Variants in MIPEP observed in about 807,000 individuals in gnomAD.
MIPEP encodes the protein mitochondrial intermediate peptidase.
A neutral mutation model predicts 90.3 loss-of-function variants in MIPEP; 79 were observed. The observed-to-expected ratio is 0.87, with a 90% CI of 0.73 to 1.05. MIPEP has a LOEUF of 1.05. MIPEP is among the 50% of genes least tolerant of loss of function. MIPEP has a pLI of 0.00. For synonymous variants in MIPEP, 334 were observed against 315.8 expected (o/e 1.06, Z -0.61); for missense variants, 940 against 905.6 (o/e 1.04, Z -0.49).
At chr13:23,809,752 T>G in intron 15 of MIPEP, 98 bp downstream of exon 15, 1 of 783,430 alleles carries the variant, frequency 1.3e-6, no homozygotes, top group South Asian at 1.9e-5. Context: ...AGAAGCATAA[T>G]TATTATAATA....
intron 16 of MIPEP, among the ~76,000 whole-genome samples, chr13:23,794,734 C>T (rs909791590): frequency 3.3e-5 from 5 of 152,070 alleles, no homozygotes; most frequent in African/African-American, 1.2e-4. Context: ...GCTCAAAGGA[C>T]CATATTAAAA....
At chr13:23,840,013 C>T (rs1388902381) in intron 11 of MIPEP, among the ~76,000 whole-genome samples, 2 of 152,222 alleles carry the variant, frequency 1.3e-5, no homozygotes, top group Non-Finnish European at 2.9e-5. Context: ...ACTAACCACC[C>T]ACAAGAGCTG....
At chr13:23,760,888 C>T (rs1952535260) in intron 16 of MIPEP, among the ~76,000 whole-genome samples, 4 of 152,130 alleles carry the variant, frequency 2.6e-5, no homozygotes, top group Admixed American at 6.5e-5. Flanking sequence ...TCTACAAAAA[C>T]AGTAAAGTCA....
At chr13:23,844,379 C>T (rs1869441535) in intron 10 of MIPEP, among the ~76,000 whole-genome samples, 1 of 152,144 alleles carries the variant, frequency 6.6e-6, no homozygotes, top group Non-Finnish European at 1.5e-5. Context: ...TCCATCCTAA[C>T]AAGCAGGAAG....
rs1953151210 is a variant in MIPEP at position 23,809,737 on chromosome 13, G to A, written c.1728+113C>T. Reference sequence around the variant, plus strand: ...AGTTCTTTGAACTCAGATGAAAGATGTTTTAGAAGCATAATTATTATAATA... The same window carrying A: ...AGTTCTTTGAACTCAGATGAAAGATATTTTAGAAGCATAATTATTATAATA... On this transcript the variant is annotated intron_variant, in intron 15 of 18. Transcript: ENST00000382172. 1.1e-5 allele frequency: 8 copies of A among 699,158 alleles called. No homozygotes were observed. The South Asian group carries it at 1.7e-4, about 15-fold the overall frequency. The allele number at this position is 699,158 out of a possible 1,614,324, so 43.3% of individuals were successfully genotyped here.
rs12583434 is a variant in MIPEP at position 23,870,537 on chromosome 13, A to G, written c.604-342T>C. 0.025 allele frequency among the ~76,000 whole-genome samples: 3,842 copies of G among 152,178 alleles called. 376 individuals are homozygous for G. The East Asian group carries it at 0.35, about 14-fold the overall frequency. On this transcript the variant is annotated intron_variant, in intron 5 of 18. Coordinates refer to ENST00000382172, the MANE Select transcript of MIPEP (RefSeq NM_005932.4). ...TGAAAAACACATGCCAGGTGCAGTG[A>G]CTCACGCCTGTAATCCCAGCACTTT...
At chr13:23,791,311 C>T (rs9507163) in intron 16 of MIPEP, among the ~76,000 whole-genome samples, 35,859 of 152,026 alleles carry the variant, frequency 0.24, 4,945 homozygotes, top group African/African-American at 0.38. Flanking sequence ...GTGGCACTAA[C>T]CCCACTTGGG....
intron 10 of MIPEP, among the ~76,000 whole-genome samples, chr13:23,848,163 A>G (rs1321240761): frequency 6.6e-6 from 1 of 152,204 alleles, no homozygotes; most frequent in Non-Finnish European, 1.5e-5. Flanking sequence ...TCCAGGCTCC[A>G]TTAACAATTA....
chr13:23,849,610 C>T (rs907002173), intron 10 of MIPEP, among the ~76,000 whole-genome samples: 30 of 152,126 alleles, frequency 2.0e-4, no homozygotes, highest in African/African-American at 7.0e-4. Context: ...CCAGAACATA[C>T]CACTATCAAC....
intron 16 of MIPEP, among the ~76,000 whole-genome samples, chr13:23,788,256 T>C (rs1476278653): frequency 6.6e-6 from 1 of 152,260 alleles, no homozygotes; most frequent in Non-Finnish European, 1.5e-5. Flanking sequence ...TTATGAATTC[T>C]TTCTAAACAT....
chr13:23,761,461 C>CAG (rs1239531574), intron 16 of MIPEP, among the ~76,000 whole-genome samples: 7 of 152,204 alleles, frequency 4.6e-5, no homozygotes, highest in South Asian at 2.1e-4. Context: ...GAGTCTGGCA[C>CAG]AGAGAGAGAG....
intron 16 of MIPEP, among the ~76,000 whole-genome samples, chr13:23,775,109 CTG>C (rs57354012): frequency 0.014 from 2,029 of 149,132 alleles, 49 homozygotes; most frequent in African/African-American, 0.045. Context: ...TATCAGTTCT[CTG>C]TGTGTGTGTG....
intron 18 of MIPEP, among the ~76,000 whole-genome samples, chr13:23,731,843 C>G (rs1374997217): frequency 6.6e-6 from 1 of 151,718 alleles, no homozygotes; most frequent in African/African-American, 2.4e-5. Flanking sequence ...AGGTTTTTCA[C>G]AGAAGATATC....
intron 18 of MIPEP, among the ~76,000 whole-genome samples, chr13:23,744,628 A>G (rs1952365324): frequency 6.6e-6 from 1 of 152,216 alleles, no homozygotes; most frequent in Non-Finnish European, 1.5e-5. Context: ...AATACACTCA[A>G]CAAATGCTTT....
At chr13:23,839,065 G>A (rs1869181914) in intron 12 of MIPEP, among the ~76,000 whole-genome samples, 1 of 152,208 alleles carries the variant, frequency 6.6e-6, no homozygotes, top group South Asian at 2.1e-4. Context: ...AAAGCTGACT[G>A]GCTGTCAAAG....
At chr13:23,838,694 T>C (rs192378059) in intron 12 of MIPEP, among the ~76,000 whole-genome samples, 322 of 152,320 alleles carry the variant, frequency 2.1e-3, no homozygotes, top group African/African-American at 7.6e-3. Context: ...ACCTTGGATC[T>C]GAACCCAGGC....
chr13:23,758,798 A>G (rs939347655), intron 17 of MIPEP, among the ~76,000 whole-genome samples: 1 of 152,234 alleles, frequency 6.6e-6, no homozygotes, highest in South Asian at 2.1e-4. Flanking sequence ...GTCAAATTGT[A>G]TGACAGACTG....
At chr13:23,769,920 GAGC>G (rs1952631520) in intron 16 of MIPEP, among the ~76,000 whole-genome samples, 1 of 152,080 alleles carries the variant, frequency 6.6e-6, no homozygotes, top group Admixed American at 6.5e-5. Flanking sequence ...AGAGAGACCT[GAGC>G]TAGCCCATGA....
At chr13:23,841,586 G>A (rs1869301196) in intron 10 of MIPEP, 98 bp from the exon 11 acceptor site, 1 of 1,273,440 alleles carries the variant, frequency 7.9e-7, no homozygotes, top group Non-Finnish European at 1.1e-6. Context: ...GATCACTGGA[G>A]CTAAAGAAGG....
Sources: gnomAD v4.1 joint callset for allele counts (sites outside exome capture counted in the v4.1 genomes callset) on GRCh38, gnomAD v4.1.1 for gene constraint, MANE v1.5 for transcripts, NCBI Gene and HGNC (gene_info 2026-07-23, HGNC 2026-07-21) for gene names.